DGKB: variants seen among roughly 807,000 people sequenced by gnomAD.
The protein encoded by DGKB is 90 kDa diacylglycerol kinase.
Under a neutral mutation model 114.3 loss-of-function variants are expected in DGKB, and 67 were observed. The ratio of observed to expected loss-of-function variants is 0.59; its 90% CI spans 0.48 to 0.72. DGKB has a LOEUF of 0.72. Among genes scored for constraint, DGKB ranks in the 30% least tolerant of loss-of-function variants. The pLI is 0.00. For synonymous variants in DGKB, 398 were observed against 323.1 expected (o/e 1.23, Z -2.49); for missense variants, 907 against 975.2 (o/e 0.93, Z 0.93).
At chr7:14,563,894 T>A (rs1044204196) in intron 20 of DGKB, among the ~76,000 whole-genome samples, 4 of 152,192 alleles carry the variant, frequency 2.6e-5, no homozygotes, top group Non-Finnish European at 5.9e-5. Flanking sequence ...GCTGTAGTTT[T>A]CCTGCTCACT....
At chr7:14,412,051 T>C (rs186592743) in intron 21 of DGKB, among the ~76,000 whole-genome samples, 224 of 152,308 alleles carry the variant, frequency 1.5e-3, no homozygotes, top group Middle Eastern at 3.4e-3. Context: ...TATGCCCTTA[T>C]AAAGGGCAGG....
intron 21 of DGKB, among the ~76,000 whole-genome samples, chr7:14,409,415 G>A (rs565560383): frequency 8.0e-4 from 51 of 63,586 alleles, no homozygotes; most frequent in African/African-American, 2.0e-3. Flanking sequence ...CGACATTAAA[G>A]AAAAAGTTGA....
intron 2 of DGKB, among the ~76,000 whole-genome samples, chr7:14,774,425 C>A (rs1238294085): frequency 6.6e-6 from 1 of 152,132 alleles, no homozygotes; most frequent in African/African-American, 2.4e-5. Context: ...CAAATAGAGG[C>A]TGTATGAAAT....
At chr7:14,829,322 G>T (rs918477531) in intron 2 of DGKB, among the ~76,000 whole-genome samples, 4 of 152,090 alleles carry the variant, frequency 2.6e-5, no homozygotes, top group Non-Finnish European at 5.9e-5. Flanking sequence ...GTGCCTACTT[G>T]TATAATCAGA....
chr7:14,698,265 A>C lies in DGKB; in HGVS notation c.517-96T>G, dbSNP rs564715455. Reference sequence around the variant, plus strand: ...AATTGTTTTGTTCAATGTGTAGCTAAAAAAGTTAAATGAGTTCTATGGGAA... The same window carrying C: ...AATTGTTTTGTTCAATGTGTAGCTACAAAAGTTAAATGAGTTCTATGGGAA... On this transcript the variant is annotated intron_variant, in intron 7 of 25. Coordinates refer to ENST00000402815, the MANE Select transcript of DGKB (RefSeq NM_001350709.2). The C allele has an allele frequency of 2.2e-4, 158 of 719,486 alleles. 1 individual carries two copies. The South Asian group carries it at 2.6e-3, about 12-fold the overall frequency. The allele number at this position is 719,486 out of a possible 1,614,324, so 44.6% of individuals were successfully genotyped here.
chr7:14,899,277 C>T (rs374328915), intron 1 of DGKB, among the ~76,000 whole-genome samples: 1 of 152,148 alleles, frequency 6.6e-6, no homozygotes, highest in African/African-American at 2.4e-5. Flanking sequence ...CTTCAGTCAG[C>T]ATCTGGCCTT....
At chr7:14,742,997 GATATT>G (rs1399338515) in intron 4 of DGKB, among the ~76,000 whole-genome samples, 1 of 152,060 alleles carries the variant, frequency 6.6e-6, no homozygotes, top group Admixed American at 6.6e-5. Context: ...AAACTCAAAG[GATATT>G]ATATGTTTTT....
At chr7:14,891,721 T>TA (rs578135808) in intron 1 of DGKB, among the ~76,000 whole-genome samples, 285 of 151,466 alleles carry the variant, frequency 1.9e-3, no homozygotes, top group Non-Finnish European at 2.8e-3. Flanking sequence ...GTACCCAAAA[T>TA]AAAAATAAAT....
intron 20 of DGKB, among the ~76,000 whole-genome samples, chr7:14,500,052 T>G (rs1785906094): frequency 6.6e-6 from 1 of 151,902 alleles, no homozygotes; most frequent in African/African-American, 2.4e-5. Flanking sequence ...GGAGTTAATA[T>G]TCACAAATTC....
chr7:14,657,066 G>C (rs1315153494), intron 13 of DGKB, among the ~76,000 whole-genome samples: 3 of 151,664 alleles, frequency 2.0e-5, no homozygotes, highest in Non-Finnish European at 4.4e-5. Flanking sequence ...TAGTGAGGCT[G>C]GGTCCCTTCC....
chr7:14,673,400 C>CT (rs374138480), intron 12 of DGKB, among the ~76,000 whole-genome samples: 53,777 of 131,008 alleles, frequency 0.41, 11,877 homozygotes, highest in East Asian at 0.89. Context: ...CCTGTGTATG[C>CT]TTTTTTTTTT....
At chr7:14,840,744 A>ACACC (rs1554298987) in intron 2 of DGKB, among the ~76,000 whole-genome samples, 5,830 of 115,842 alleles carry the variant, frequency 0.05, 168 homozygotes, top group Non-Finnish European at 0.073. Context: ...ACACACACAC[A>ACACC]CCTCTCCCTT....
At position 14,966,626 on chromosome 7, in the gene DGKB, G is replaced by C. The variant is rs533340117; in HGVS notation, c.-188+8070C>G. 2.2e-4 allele frequency among the ~76,000 whole-genome samples: 34 copies of C among 152,160 alleles called. 1 individual carries two copies. The South Asian group carries it at 6.2e-3, about 28-fold the overall frequency. The stretch of plus-strand genomic sequence containing the variant: ...GCCTTTAAGGGAACATTCAATCAAA[G>C]TTGTTTACTGCCTGAGCTTGTGCTG... On this transcript the variant is annotated intron_variant, in intron 1 of 4. Coordinates refer to the DGKB transcript ENST00000437998.
intron 13 of DGKB, among the ~76,000 whole-genome samples, chr7:14,649,619 T>G (rs1813971629): frequency 6.6e-6 from 1 of 151,414 alleles, no homozygotes; most frequent in Admixed American, 6.6e-5. Context: ...AACATCATAA[T>G]GACAGGATCA....
At chr7:14,618,116 A>T (rs1398570323) in intron 15 of DGKB, among the ~76,000 whole-genome samples, 2 of 133,624 alleles carry the variant, frequency 1.5e-5, no homozygotes, top group East Asian at 7.3e-4. Flanking sequence ...TGAGCAAAGG[A>T]CATACACACA....
At chr7:14,579,625 T>C (rs1049234618) in intron 19 of DGKB, among the ~76,000 whole-genome samples, 3 of 152,182 alleles carry the variant, frequency 2.0e-5, no homozygotes, top group Admixed American at 6.5e-5. Context: ...ATGCAACTCA[T>C]GAAAATACTC....
chr7:14,268,519 A>G (rs1312237393), intron 23 of DGKB, among the ~76,000 whole-genome samples: 2 of 152,236 alleles, frequency 1.3e-5, no homozygotes, highest in African/African-American at 4.8e-5. Flanking sequence ...CAGAATAACA[A>G]TGTAAAAGCA....
At chr7:14,926,316 T>C (rs957647962) in intron 1 of DGKB, among the ~76,000 whole-genome samples, 8 of 152,046 alleles carry the variant, frequency 5.3e-5, no homozygotes, top group African/African-American at 1.9e-4. Context: ...TCTGTTGACT[T>C]TCTTTTCTCA....
At chr7:14,640,542 A>AT (rs1213553696) in intron 13 of DGKB, among the ~76,000 whole-genome samples, 3 of 152,168 alleles carry the variant, frequency 2.0e-5, no homozygotes, top group African/African-American at 7.2e-5. Context: ...CAACTGATAG[A>AT]TTTTTATCAA....
Sources: gnomAD v4.1 joint callset for allele counts (sites outside exome capture counted in the v4.1 genomes callset) on GRCh38, gnomAD v4.1.1 for gene constraint, MANE v1.5 for transcripts, NCBI Gene and HGNC (gene_info 2026-07-23, HGNC 2026-07-21) for gene names.